Variants in RPS6KA2 observed in about 807,000 individuals in gnomAD.
The protein encoded by RPS6KA2 is ribosomal protein S6 kinase A2.
Under a neutral mutation model 91.8 loss-of-function variants are expected in RPS6KA2, and 42 were observed. The observed-to-expected ratio is 0.46, with a 90% confidence interval of 0.36 to 0.59. The LOEUF (loss-of-function observed/expected upper bound fraction) is 0.59, where lower values mean the gene tolerates loss of function less well. RPS6KA2 is among the 20% of genes least tolerant of loss of function. The pLI, the probability that RPS6KA2 is intolerant of heterozygous loss-of-function variation, is 0.00. For missense variants in RPS6KA2, 798 were observed against 978.5 expected (o/e 0.82, Z 2.46); for synonymous variants, 414 against 393.6 (o/e 1.05, Z -0.61).
chr6:166,754,614 T>A (rs1319126480), intron 2 of RPS6KA2, among the ~76,000 whole-genome samples: 1 of 152,082 alleles, frequency 6.6e-6, no homozygotes, highest in African/African-American at 2.4e-5. Flanking sequence ...GGTTTGCATT[T>A]GAAAAGTGCA....
chr6:166,429,490 G>C (rs535141644), intron 16 of RPS6KA2, among the ~76,000 whole-genome samples: 5 of 151,870 alleles, frequency 3.3e-5, no homozygotes, highest in African/African-American at 1.2e-4. Context: ...TTGCTCTGTC[G>C]CCCACGCTGA....
rs1316877524 is a variant in RPS6KA2, at chr6:166,828,417, C to CA, written c.123+29782dup. Among the ~76,000 whole-genome samples the CA allele has an allele frequency of 2.6e-5, 4 of 152,380 alleles. No individual in the cohort carries two copies. In the East Asian group the frequency reaches 7.7e-4, roughly 29 times the overall value. On this transcript the variant is annotated intron_variant, in intron 2 of 21. Coordinates refer to the RPS6KA2 transcript ENST00000503859. ...GCTAAATGACAAACCACGTTGGGCTCATGCCGTATCTGCCCTTTCCTTCAC... is the reference window on the plus strand; with the variant it reads ...GCTAAATGACAAACCACGTTGGGCTCAATGCCGTATCTGCCCTTTCCTTCAC...
At position 166,448,909 on chromosome 6, in the gene RPS6KA2, C is replaced by A. The variant is rs1159467913; in HGVS notation, c.1207-60G>T. 3.8e-6 allele frequency: 6 copies of A among 1,594,018 alleles called. No homozygotes were observed. In the African/African-American group the frequency reaches 5.4e-5, roughly 14 times the overall value. On this transcript the variant is annotated intron_variant, in intron 13 of 20. Coordinates refer to ENST00000265678, the MANE Select transcript of RPS6KA2 (RefSeq NM_021135.6). This position sits in a 1 kb window ranked among gnomAD's most constrained non-coding sequence, Gnocchi z 4.7. The stretch of plus-strand genomic sequence containing the variant: ...ACCCTCACACGAGGGGACGGTGCAG[C>A]TACACGCACACAGAATGTGGGGCGA...
intron 2 of RPS6KA2, among the ~76,000 whole-genome samples, chr6:166,749,920 A>G (rs1209310063): frequency 6.6e-6 from 1 of 151,068 alleles, no homozygotes; most frequent in East Asian, 2.0e-4. Flanking sequence ...AGGCTGGGCA[A>G]GGGGAAGGGG....
chr6:166,681,696 C>T lies in RPS6KA2; in HGVS notation c.124-142912G>A, dbSNP rs1444977126. 8.0e-5 allele frequency among the ~76,000 whole-genome samples: 6 copies of T among 74,570 alleles called. No individual in the cohort carries two copies. The East Asian group carries it at 3.0e-3, about 37-fold the overall frequency. 48.9% of individuals were successfully genotyped at this position (74,570 alleles called of 152,430 possible). A position where few individuals can be genotyped will look rare whatever the true frequency, so the allele number is the denominator to read the frequency against. ...CCTGGATCTCCCCCTGCCCGCCCCC[C>T]CCCCCGCCCCCGCCCAAGATCTTGC... On this transcript the variant is annotated intron_variant, in intron 2 of 21. Coordinates refer to the RPS6KA2 transcript ENST00000503859.
At chr6:166,831,318 C>T (rs1261440541) in intron 2 of RPS6KA2, among the ~76,000 whole-genome samples, 4 of 152,160 alleles carry the variant, frequency 2.6e-5, no homozygotes, top group African/African-American at 9.7e-5. Context: ...TCCTTACCCT[C>T]CCTGCCATCT....
chr6:166,623,563 C>T (rs1786724726), intron 1 of RPS6KA2, among the ~76,000 whole-genome samples: 1 of 152,230 alleles, frequency 6.6e-6, no homozygotes. Flanking sequence ...AGCCAGGTGA[C>T]GGTAACTCCA....
chr6:166,815,297 C>T (rs959814765), intron 2 of RPS6KA2, among the ~76,000 whole-genome samples: 2 of 152,154 alleles, frequency 1.3e-5, no homozygotes, highest in Non-Finnish European at 2.9e-5. Flanking sequence ...GCAAGGCCTT[C>T]GAGGGTCACT....
At chr6:166,499,061 C>T (rs372029378) in intron 7 of RPS6KA2, among the ~76,000 whole-genome samples, 48 of 152,134 alleles carry the variant, frequency 3.2e-4, no homozygotes, top group African/African-American at 1.0e-3. Context: ...CTCTGGCTGC[C>T]GGGGAGCCAA....
rs1788329334 is a variant in RPS6KA2 at position 166,666,775 on chromosome 6, C to T, written c.124-127991G>A. Among the ~76,000 whole-genome samples the T allele has an allele frequency of 6.6e-6, 1 of 151,998 alleles. No homozygotes were observed. The highest frequency in any genetic ancestry group is 1.5e-5 in the Non-Finnish European group (1 of 68,006). ...GCAACTTTCACTTCTGAGTATATAC[C>T]CAAAAAGAATGGAAAGCAGAGCCTC... is the stretch of plus-strand genomic sequence containing the variant. On this transcript the variant is annotated intron_variant, in intron 2 of 21. Coordinates refer to the RPS6KA2 transcript ENST00000503859. This position sits in a 1 kb window ranked among gnomAD's most constrained non-coding sequence, Gnocchi z 4.0.
chr6:166,586,854 A>G (rs191247904), intron 1 of RPS6KA2, among the ~76,000 whole-genome samples: 3 of 152,292 alleles, frequency 2.0e-5, no homozygotes, highest in Non-Finnish European at 4.4e-5. Context: ...GCTTTCAGAA[A>G]TCTCTGCTCC....
At chr6:166,421,018 C>T (rs536814269) in intron 17 of RPS6KA2, among the ~76,000 whole-genome samples, 6 of 152,288 alleles carry the variant, frequency 3.9e-5, no homozygotes, top group East Asian at 1.9e-4. Flanking sequence ...TTCTCTGTAT[C>T]GCTGCTACCA....
At chr6:166,790,909 A>G (rs573870148) in intron 2 of RPS6KA2, among the ~76,000 whole-genome samples, 2 of 152,224 alleles carry the variant, frequency 1.3e-5, no homozygotes, top group Admixed American at 1.3e-4. Context: ...CTGCAAAAAC[A>G]TGCCAAAATG....
intron 2 of RPS6KA2, among the ~76,000 whole-genome samples, chr6:166,679,394 G>T (rs941365557): frequency 2.0e-5 from 3 of 152,060 alleles, no homozygotes; most frequent in Admixed American, 6.6e-5. Context: ...AACCTGGGAG[G>T]TGGAGGTTTC....
At chr6:166,684,127 C>T (rs183544381) in intron 2 of RPS6KA2, among the ~76,000 whole-genome samples, 25 of 152,234 alleles carry the variant, frequency 1.6e-4, no homozygotes, top group African/African-American at 5.5e-4. Context: ...AGGTAGGAGA[C>T]GGGACTTGAC....
intron 2 of RPS6KA2, among the ~76,000 whole-genome samples, chr6:166,835,793 G>A (rs1359491764): frequency 6.6e-6 from 1 of 152,204 alleles, no homozygotes; most frequent in Non-Finnish European, 1.5e-5. Context: ...AATGGGAGTG[G>A]TGCAATGTCC....
At chr6:166,507,862 C>G (rs1055458183) in intron 5 of RPS6KA2, among the ~76,000 whole-genome samples, 18 of 150,108 alleles carry the variant, frequency 1.2e-4, no homozygotes, top group Middle Eastern at 3.2e-3. Flanking sequence ...CATGCACACA[C>G]AACCCCAAAC....
intron 2 of RPS6KA2, among the ~76,000 whole-genome samples, chr6:166,826,670 C>T (rs946800566): frequency 2.6e-5 from 4 of 152,206 alleles, no homozygotes; most frequent in African/African-American, 9.7e-5. Context: ...CGTTGCCTCA[C>T]ATCCCATAAA....
chr6:166,807,403 C>G, intron 2 of RPS6KA2, among the ~76,000 whole-genome samples: 1 of 152,254 alleles, frequency 6.6e-6, no homozygotes, highest in East Asian at 1.9e-4. Context: ...TTTCCACTTC[C>G]CTAGTGACCT....
Sources: allele counts gnomAD v4.1 joint callset (sites outside exome capture counted in the v4.1 genomes callset), GRCh38; gene constraint gnomAD v4.1.1; non-coding constraint Gnocchi (gnomAD v3.1); transcripts MANE v1.5; gene names NCBI Gene and HGNC (gene_info 2026-07-23, HGNC 2026-07-21).